The following FAT4 variants were observed in gnomAD, a reference collection of about 807,000 sequenced individuals.
FAT4 encodes protocadherin Fat 4.
A neutral mutation model predicts 303.9 loss-of-function variants in FAT4; 84 were observed. The observed-to-expected ratio is 0.28, with a 90% CI of 0.23 to 0.33. The LOEUF (loss-of-function observed/expected upper bound fraction) is 0.33, where lower values mean the gene tolerates loss of function less well. FAT4 is among the 10% of genes least tolerant of loss of function. The pLI, the probability that FAT4 is intolerant of heterozygous loss-of-function variation, is 1.00. For missense variants in FAT4, 6,005 were observed against 6,146.8 expected (o/e 0.98, Z 0.77); for synonymous variants, 2,307 against 2,298.8 (o/e 1.00, Z -0.10).
chr4:125,340,445 G>A (rs1480608955), intron 2 of FAT4, among the ~76,000 whole-genome samples: 1 of 151,542 alleles, frequency 6.6e-6, no homozygotes, highest in African/African-American at 2.4e-5. Context: ...GTGCAGTGGC[G>A]TGATCTCGGC....
chr4:125,457,853 A>T (rs1726337950), intron 10 of FAT4, among the ~76,000 whole-genome samples: 1 of 152,052 alleles, frequency 6.6e-6, no homozygotes, highest in Admixed American at 6.6e-5. Context: ...CTTTAGCCTA[A>T]TAACGACACA....
intron 2 of FAT4, among the ~76,000 whole-genome samples, chr4:125,339,574 T>TCTAA (rs1731700440): frequency 6.6e-6 from 1 of 152,190 alleles, no homozygotes; most frequent in Non-Finnish European, 1.5e-5. Context: ...TAACAGCAAC[T>TCTAA]ACCTCTAAAA....
intron 10 of FAT4, among the ~76,000 whole-genome samples, chr4:125,456,057 A>G (rs894391387): frequency 6.6e-6 from 1 of 152,182 alleles, no homozygotes; most frequent in African/African-American, 2.4e-5. Context: ...CTTTGCTTTT[A>G]CCATTCAGAT....
Position 125,490,118 on chromosome 4 carries a change from C to G in FAT4, c.13302C>G (p.Ser4434=). 1.9e-6 allele frequency: 3 copies of G among 1,614,014 alleles called. No homozygotes were observed. Among genetic ancestry groups the G allele is most frequent in the Non-Finnish European group, 2.5e-6 (3 of 1,180,006 alleles). ...GTGTCCCTCCTGGGGACTGTGCCTC[C>G]CACCCGTGCCAGAATGGTGGCAGCT... ...YRCVPPGDCA[S]HPCQNGGSCE... The change falls in exon 18 of 18, where the codon TCC becomes TCG. Residue 4434 remains serine (S), a synonymous_variant. Coordinates refer to ENST00000394329, the MANE Select transcript of FAT4 (RefSeq NM_001291303.3).
chr4:125,442,721 C>T (rs1224079591), intron 8 of FAT4, among the ~76,000 whole-genome samples: 1 of 152,002 alleles, frequency 6.6e-6, no homozygotes, highest in Non-Finnish European at 1.5e-5. Context: ...AATATTCTAT[C>T]CAGAGAAATC....
At chr4:125,374,049 G>A (rs932444782) in intron 2 of FAT4, among the ~76,000 whole-genome samples, 1 of 152,138 alleles carries the variant, frequency 6.6e-6, no homozygotes. Flanking sequence ...TACTAACCTT[G>A]AAATCAGATA....
intron 3 of FAT4, among the ~76,000 whole-genome samples, chr4:125,403,809 A>T (rs1055731274): frequency 6.6e-6 from 1 of 152,132 alleles, no homozygotes; most frequent in African/African-American, 2.4e-5. Flanking sequence ...TTTACTTTGC[A>T]CATGGGGTTG....
At position 125,458,733 on chromosome 4, in the gene FAT4, G is replaced by T. The variant is rs143275002; in HGVS notation, c.11801-4830G>T. ...TGTGTGTAATCATATGTAATCATTTGTAGTCTCATTGAGGTTGTGTTTGTG... is the reference window on the plus strand; with the variant it reads ...TGTGTGTAATCATATGTAATCATTTTTAGTCTCATTGAGGTTGTGTTTGTG... On this transcript the variant is annotated intron_variant, in intron 10 of 17. Coordinates refer to ENST00000394329, the MANE Select transcript of FAT4 (RefSeq NM_001291303.3). 3.2e-3 allele frequency among the ~76,000 whole-genome samples: 489 copies of T among 151,952 alleles called. 3 individuals carry two copies. Among genetic ancestry groups the T allele is most frequent in the African/African-American group, 0.011 (453 of 41,522 alleles).
chr4:125,463,898 A>G (rs1453244676), intron 11 of FAT4, among the ~76,000 whole-genome samples: 1 of 152,086 alleles, frequency 6.6e-6, no homozygotes, highest in Non-Finnish European at 1.5e-5. Flanking sequence ...TTGAATTAAT[A>G]TTGTTTCCAT....
chr4:125,373,546 T>C (rs1222540166), intron 2 of FAT4, among the ~76,000 whole-genome samples: 1 of 152,344 alleles, frequency 6.6e-6, no homozygotes, highest in African/African-American at 2.4e-5. Context: ...AATATTTGTG[T>C]TCCGTTGGTA....
intron 8 of FAT4, among the ~76,000 whole-genome samples, chr4:125,442,618 C>G (rs1725697283): frequency 6.6e-6 from 1 of 152,064 alleles, no homozygotes; most frequent in Non-Finnish European, 1.5e-5. Context: ...ATAAAATTAT[C>G]TTCTGGCTAT....
chr4:125,463,427 A>G, intron 10 of FAT4, 136 bp from the exon 11 acceptor site: 1 of 460,800 alleles, frequency 2.2e-6, no homozygotes, highest in Non-Finnish European at 3.9e-6. Context: ...TAATTTCCTT[A>G]TGTCAAGTAA....
chr4:125,440,226 A>G (rs1220925591), intron 8 of FAT4, among the ~76,000 whole-genome samples: 2 of 152,094 alleles, frequency 1.3e-5, no homozygotes, highest in Admixed American at 1.3e-4. Context: ...TATTTTTACT[A>G]CAACATTCTT....
chr4:125,321,461 G>A lies in FAT4; in HGVS notation c.5050G>A (p.Gly1684Arg). 6.2e-7 allele frequency: 1 copy of A among 1,614,036 alleles called. No homozygotes were observed. The highest frequency in any genetic ancestry group is 8.5e-7 in the Non-Finnish European group (1 of 1,179,986). ...EKTVGRLFTI[G>R]RHTGIIQTAA... ...AACTGTTGGACGCCTCTTTACTATT[G>A]GACGACATACTGGTATAATTCAGAC... The change falls in exon 2 of 18, where the codon GGA becomes AGA. Residue 1684 changes from glycine (G) to arginine (R), a missense_variant. By Grantham distance (125) the Gly-to-Arg change is moderately radical. Transcript: ENST00000394329.
In FAT4 at chr4:125,415,622, A is replaced by G; in HGVS notation, c.6659A>G (p.Glu2220Gly). Residue 2220 changes from glutamate (E) to glycine (G), a missense_variant, in exon 6 of 18, where the codon GAA (glutamate) becomes GGA (glycine). By Grantham distance (98) the Glu-to-Gly change is moderately conservative. Transcript: ENST00000394329. ...ACTGTCGCTAAACCTTTGGATAGAGAAAAGACCCCTACCTACCATTTAACT... is the reference window on the plus strand; with the variant it reads ...ACTGTCGCTAAACCTTTGGATAGAGGAAAGACCCCTACCTACCATTTAACT... ...AITVAKPLDR[E>G]KTPTYHLTVQ... 1 of 1,614,032 alleles carries G rather than the reference A, an allele frequency of 6.2e-7. No homozygotes were observed. Among genetic ancestry groups the G allele is most frequent in the Non-Finnish European group, 8.5e-7 (1 of 1,179,960 alleles).
chr4:125,391,176 C>A (rs1209288195), intron 2 of FAT4, among the ~76,000 whole-genome samples: 1 of 151,910 alleles, frequency 6.6e-6, no homozygotes, highest in East Asian at 1.9e-4. Flanking sequence ...GGGTATATAC[C>A]CAAAGGAATA....
At chr4:125,476,466 A>G (rs982392465) in intron 13 of FAT4, among the ~76,000 whole-genome samples, 8 of 152,290 alleles carry the variant, frequency 5.3e-5, no homozygotes, top group African/African-American at 1.9e-4. Context: ...ATAAGGATAA[A>G]ATTGGAGAAA....
chr4:125,354,484 C>T (rs1022408956), intron 2 of FAT4, among the ~76,000 whole-genome samples: 6 of 151,568 alleles, frequency 4.0e-5, no homozygotes, highest in Non-Finnish European at 8.9e-5. Flanking sequence ...GAATATTGAA[C>T]ACGCTCTCAC....
rs761842751 is a variant in FAT4, at chr4:125,490,918, C to T, written c.14102C>T (p.Ser4701Phe). 1.9e-6 allele frequency: 3 copies of T among 1,614,112 alleles called. No homozygotes were observed. Among genetic ancestry groups the T allele is most frequent in the Non-Finnish European group, 2.5e-6 (3 of 1,180,050 alleles). The change falls in exon 18 of 18, where the codon TCT (serine) becomes TTT (phenylalanine). Residue 4701 changes from serine to phenylalanine, a missense_variant. By Grantham distance (155) the Ser-to-Phe change is radical. Transcript: ENST00000394329. ...GCATGCCCAACTCCCAACCCTCTGT[C>T]TCGACACAGTCCAGCCCCTTTCTCC... ...HSACPTPNPL[S>F]RHSPAPFSKS... is the part of the protein sequence containing the mutation.
Sources: allele counts gnomAD v4.1 joint callset (sites outside exome capture counted in the v4.1 genomes callset), GRCh38; gene constraint gnomAD v4.1.1; transcripts MANE v1.5; gene names NCBI Gene and HGNC (gene_info 2026-07-23, HGNC 2026-07-21).